KCNH5: variants seen among roughly 807,000 people sequenced by gnomAD.
KCNH5 encodes the protein potassium voltage-gated channel subfamily H member 5, also known as voltage-gated delayed rectifier potassium channel KCNH5.
A neutral mutation model predicts 96.1 loss-of-function variants in KCNH5; 46 were observed. The ratio of observed to expected loss-of-function variants is 0.48; its 90% CI spans 0.38 to 0.61. KCNH5 has a LOEUF of 0.61. Ranked by LOEUF, KCNH5 falls within the 20% of genes least tolerant of loss-of-function variation. The probability of loss-of-function intolerance (pLI) is 0.00; values close to 1 mark genes in which losing one functional copy is unlikely to be tolerated. For missense variants in KCNH5, 907 were observed against 1,225.8 expected (o/e 0.74, Z 3.88); for synonymous variants, 439 against 449.8 (o/e 0.98, Z 0.30).
intron 10 of KCNH5, among the ~76,000 whole-genome samples, chr14:62,752,883 A>C (rs1279420945): frequency 6.6e-6 from 1 of 152,178 alleles, no homozygotes; most frequent in Non-Finnish European, 1.5e-5. Flanking sequence ...AGGCCTTCCC[A>C]GTCATGCAGA....
chr14:63,028,180 C>T (rs1042506705), intron 1 of KCNH5, among the ~76,000 whole-genome samples: 1 of 152,044 alleles, frequency 6.6e-6, no homozygotes, highest in African/African-American at 2.4e-5. Context: ...ATCATTCTAA[C>T]TATTTCATAT....
At chr14:62,874,205 T>C (rs17100486) in intron 7 of KCNH5, among the ~76,000 whole-genome samples, 2,805 of 152,212 alleles carry the variant, frequency 0.018, 81 homozygotes, top group African/African-American at 0.064. Flanking sequence ...AAAAGGAATG[T>C]AGCATCTTGT....
At chr14:62,897,703 CAGTT>C (rs1473647788) in intron 7 of KCNH5, among the ~76,000 whole-genome samples, 3 of 152,210 alleles carry the variant, frequency 2.0e-5, no homozygotes, top group African/African-American at 4.8e-5. Context: ...AGGAAGAACA[CAGTT>C]AGGTTAAAAA....
At chr14:62,926,163 CAAG>C (rs1889471975) in intron 7 of KCNH5, among the ~76,000 whole-genome samples, 1 of 152,036 alleles carries the variant, frequency 6.6e-6, no homozygotes, top group Admixed American at 6.6e-5. Flanking sequence ...GCAAGGAAGA[CAAG>C]AAGGATAGGC....
At chr14:62,987,026 G>A (rs766382736) in intron 5 of KCNH5, 46 bp downstream of exon 5, 5 of 1,255,034 alleles carry the variant, frequency 4.0e-6, no homozygotes, top group South Asian at 3.6e-5. Flanking sequence ...GAAGAAAAAT[G>A]TACCAACACC....
intron 1 of KCNH5, among the ~76,000 whole-genome samples, chr14:63,023,071 T>C (rs947627099): frequency 4.6e-5 from 7 of 151,846 alleles, no homozygotes; most frequent in Non-Finnish European, 8.8e-5. Context: ...GGCATAATGA[T>C]GCACACCTGT....
chr14:62,883,997 G>A (rs1386381439), intron 7 of KCNH5, among the ~76,000 whole-genome samples: 1 of 152,064 alleles, frequency 6.6e-6, no homozygotes, highest in Non-Finnish European at 1.5e-5. Flanking sequence ...GATATAACAA[G>A]TTTATAAACT....
chr14:63,032,569 G>T (rs567837243), intron 1 of KCNH5, among the ~76,000 whole-genome samples: 45 of 152,282 alleles, frequency 3.0e-4, no homozygotes, highest in Admixed American at 1.7e-3. Context: ...AATGCTTATT[G>T]TCAAATATTT....
chr14:62,993,392 A>G (rs1890849183), intron 4 of KCNH5, among the ~76,000 whole-genome samples: 1 of 151,990 alleles, frequency 6.6e-6, no homozygotes. Context: ...GAATCTGTAG[A>G]TTGCTTTGGA....
At chr14:62,958,757 T>C (rs1000864120) in intron 6 of KCNH5, among the ~76,000 whole-genome samples, 1 of 152,160 alleles carries the variant, frequency 6.6e-6, no homozygotes, top group Non-Finnish European at 1.5e-5. Flanking sequence ...TTCACAACTG[T>C]ATTATGAACT....
chr14:62,943,175 G>A (rs552741685), intron 7 of KCNH5, among the ~76,000 whole-genome samples: 3 of 152,172 alleles, frequency 2.0e-5, no homozygotes, highest in South Asian at 2.1e-4. Flanking sequence ...AATGAAATAT[G>A]CAGATGTAGA....
chr14:62,918,523 A>G (rs914378875), intron 7 of KCNH5, among the ~76,000 whole-genome samples: 4 of 152,176 alleles, frequency 2.6e-5, no homozygotes, highest in Admixed American at 2.6e-4. Context: ...AAAAGATCAT[A>G]AAAGTTAATT....
chr14:62,873,686 T>A (rs1269090239), intron 7 of KCNH5, among the ~76,000 whole-genome samples: 1 of 152,212 alleles, frequency 6.6e-6, no homozygotes. Context: ...CAATTCCCTA[T>A]CTGTTTATTA....
At chr14:62,957,415 T>A (rs1407004509) in intron 6 of KCNH5, among the ~76,000 whole-genome samples, 1 of 152,218 alleles carries the variant, frequency 6.6e-6, no homozygotes. Flanking sequence ...AGACTTGTCA[T>A]ACCCAGTTGC....
At chr14:62,805,579 C>G (rs547831652) in intron 8 of KCNH5, among the ~76,000 whole-genome samples, 46 of 152,220 alleles carry the variant, frequency 3.0e-4, no homozygotes, top group African/African-American at 9.6e-4. Flanking sequence ...TAATCACAGT[C>G]TTAGCCAAGG....
In KCNH5 at chr14:62,700,892, T is replaced by C. The variant is rs1232133238; in HGVS notation, c.*6616A>G. 1 of 152,178 alleles carries C rather than the reference T, an allele frequency of 6.6e-6. No homozygotes were observed. Among genetic ancestry groups the C allele is most frequent in the East Asian group, 1.9e-4 (1 of 5,198 alleles). The allele number at this position is 152,178 out of a possible 1,614,324, so 9.4% of individuals were successfully genotyped here. A position where few individuals can be genotyped will look rare whatever the true frequency, so the allele number is the denominator to read the frequency against. ...CCAAAGTCCAATTTCTCTAACTCAATGGAGAGTCTGACCAAAAGCTTTGGA... is the reference window on the plus strand; with the variant it reads ...CCAAAGTCCAATTTCTCTAACTCAACGGAGAGTCTGACCAAAAGCTTTGGA... On this transcript the variant is annotated 3_prime_UTR_variant, in exon 11 of 11. Transcript: ENST00000322893.
chr14:62,965,391 C>A (rs563655795), intron 6 of KCNH5, among the ~76,000 whole-genome samples: 1 of 152,088 alleles, frequency 6.6e-6, no homozygotes, highest in African/African-American at 2.4e-5. Flanking sequence ...TAAGTTCCTG[C>A]AATGGTAGAT....
chr14:62,732,917 C>T (rs1885081103), intron 10 of KCNH5, among the ~76,000 whole-genome samples: 1 of 151,882 alleles, frequency 6.6e-6, no homozygotes, highest in African/African-American at 2.4e-5. Flanking sequence ...GCCTCCCCTC[C>T]TCTCTTCTAT....
intron 2 of KCNH5, among the ~76,000 whole-genome samples, chr14:63,011,220 C>T (rs546025787): frequency 2.3e-4 from 35 of 152,216 alleles, no homozygotes; most frequent in Admixed American, 1.8e-3. Flanking sequence ...CAGTGGCTCA[C>T]GCCTGTAATC....
Sources: gnomAD v4.1 joint callset for allele counts (sites outside exome capture counted in the v4.1 genomes callset) on GRCh38, gnomAD v4.1.1 for gene constraint, MANE v1.5 for transcripts, NCBI Gene and HGNC (gene_info 2026-07-23, HGNC 2026-07-21) for gene names.